Variants in FOCAD observed in about 807,000 individuals in gnomAD.
FOCAD encodes the protein KIAA1797.
Under a neutral mutation model 225.6 loss-of-function variants are expected in FOCAD, and 198 were observed. The observed-to-expected ratio is 0.88, with a 90% confidence interval of 0.78 to 0.99. The LOEUF (loss-of-function observed/expected upper bound fraction) is 0.99, where lower values mean the gene tolerates loss of function less well. Among genes scored for constraint, FOCAD ranks in the 50% least tolerant of loss-of-function variants. The pLI is 0.00. For synonymous variants in FOCAD, 897 were observed against 755.0 expected (o/e 1.19, Z -3.08); for missense variants, 2,713 against 2,123.6 (o/e 1.28, Z -5.46).
At chr9:20,929,158 A>G in intron 26 of FOCAD, 200 bp from the exon 27 acceptor site, 1 of 529,382 alleles carries the variant, frequency 1.9e-6, no homozygotes, top group Non-Finnish European at 3.3e-6. Context: ...ATTATTAATT[A>G]TTTAGTAGCA....
chr9:20,942,406 C>A (rs528242780), intron 28 of FOCAD, among the ~76,000 whole-genome samples: 3 of 152,136 alleles, frequency 2.0e-5, no homozygotes, highest in African/African-American at 7.2e-5. Flanking sequence ...GAAAGTTAAA[C>A]CCTATTGGAA....
intron 7 of FOCAD, among the ~76,000 whole-genome samples, chr9:20,769,691 G>A (rs1817990994): frequency 6.6e-6 from 1 of 152,178 alleles, no homozygotes; most frequent in African/African-American, 2.4e-5. Context: ...AGTTCATTTG[G>A]AGAATTCAAA....
In FOCAD at chr9:20,821,074, A is replaced by G. The variant is rs775946513; in HGVS notation, c.1793+3A>G. 5 of 1,611,530 alleles carry G rather than the reference A, an allele frequency of 3.1e-6. No homozygotes were observed. The South Asian group carries it at 4.4e-5, about 14-fold the overall frequency. On this transcript the variant is annotated splice_donor_region_variant and intron_variant, in intron 14 of 43. Transcript: ENST00000338382. ...ATCAGAGATATATGTAAGCAGAGGT[A>G]TGATGTCATTAACTCTTAGGAATGT...
At chr9:20,720,656 G>A in intron 4 of FOCAD, 122 bp downstream of exon 4, 3 of 894,778 alleles carry the variant, frequency 3.4e-6, no homozygotes, top group Non-Finnish European at 5.1e-6. Context: ...CTCTTAAAAT[G>A]TCATGAGTTG....
intron 5 of FOCAD, among the ~76,000 whole-genome samples, chr9:20,751,848 T>C (rs568096069): frequency 0.025 from 3,633 of 144,536 alleles, 55 homozygotes; most frequent in Middle Eastern, 0.053. Context: ...ATGATTGCCA[T>C]TCTAACTGGT....
chr9:20,979,360 A>C (rs1334979242), intron 37 of FOCAD, among the ~76,000 whole-genome samples: 1 of 152,048 alleles, frequency 6.6e-6, no homozygotes, highest in Non-Finnish European at 1.5e-5. Context: ...TGTTTTTGAG[A>C]CAGTTTCTCG....
intron 24 of FOCAD, among the ~76,000 whole-genome samples, chr9:20,921,298 A>T (rs1353791988): frequency 6.6e-6 from 1 of 152,236 alleles, no homozygotes; most frequent in Non-Finnish European, 1.5e-5. Flanking sequence ...TTAGGTTAAT[A>T]ACATCATTTT....
intron 18 of FOCAD, among the ~76,000 whole-genome samples, chr9:20,870,668 A>C (rs1205352599): frequency 6.6e-6 from 1 of 152,218 alleles, no homozygotes; most frequent in Non-Finnish European, 1.5e-5. Context: ...CTGAATCACA[A>C]GGGTAAACAA....
chr9:20,966,852 G>A (rs1004524375), intron 35 of FOCAD, among the ~76,000 whole-genome samples: 2 of 151,998 alleles, frequency 1.3e-5, no homozygotes, highest in African/African-American at 4.8e-5. Context: ...CTACTCTCAA[G>A]AGTCCAGAAA....
chr9:20,874,786 A>T lies in FOCAD; in HGVS notation c.2296A>T (p.Thr766Ser), dbSNP rs1830093295. The change falls in exon 19 of 44, where the codon ACT (threonine) becomes TCT (serine). Residue 766 changes from threonine (T) to serine (S), a missense_variant. Physicochemically the swap from Thr to Ser is moderately conservative, Grantham distance 58. Coordinates refer to ENST00000338382, the MANE Select transcript of FOCAD (RefSeq NM_001375567.1). Reference sequence around the variant, plus strand: ...TTGCTATCTCAAACTGTTGTCACTCACTCCCCCTTTGGTTTTACCAGGTGA... The same window carrying T: ...TTGCTATCTCAAACTGTTGTCACTCTCTCCCCCTTTGGTTTTACCAGGTGA... Reference protein sequence around the residue: ...GSCYLKLLSLTPPLVLPALEE... With the variant: ...GSCYLKLLSLSPPLVLPALEE... The T allele has an allele frequency of 1.9e-6, 3 of 1,612,952 alleles. No homozygotes were observed. Among genetic ancestry groups the T allele is most frequent in the Non-Finnish European group, 2.5e-6 (3 of 1,179,590 alleles).
intron 1 of FOCAD, among the ~76,000 whole-genome samples, chr9:20,694,821 C>G (rs1202911078): frequency 1.3e-5 from 2 of 152,126 alleles, no homozygotes; most frequent in Non-Finnish European, 2.9e-5. Context: ...ATTAACAACC[C>G]TAACAAAATT....
At chr9:20,874,944 T>C in intron 19 of FOCAD, 137 bp downstream of exon 19, 1 of 1,103,648 alleles carries the variant, frequency 9.1e-7, no homozygotes, top group Non-Finnish European at 1.3e-6. Flanking sequence ...AATGCACCCA[T>C]CTGTTCTATT....
chr9:20,765,373 A>G (rs1829966873), intron 7 of FOCAD, among the ~76,000 whole-genome samples: 1 of 152,084 alleles, frequency 6.6e-6, no homozygotes, highest in Admixed American at 6.6e-5. Flanking sequence ...AAAGATTTTG[A>G]GTTGAGTTTC....
chr9:20,694,738 C>G (rs895934117), intron 1 of FOCAD, among the ~76,000 whole-genome samples: 3 of 152,106 alleles, frequency 2.0e-5, no homozygotes, highest in Non-Finnish European at 2.9e-5. Flanking sequence ...GTTTTTCTCT[C>G]TAACATTTTT....
At chr9:20,886,559 T>C (rs1367922941) in intron 21 of FOCAD, among the ~76,000 whole-genome samples, 2 of 152,184 alleles carry the variant, frequency 1.3e-5, no homozygotes, top group African/African-American at 4.8e-5. Flanking sequence ...CATCAGAAGT[T>C]ATGAGGTGTG....
At chr9:20,680,788 G>C (rs1023727492), upstream of FOCAD, among the ~76,000 whole-genome samples, 11 of 152,146 alleles carry the variant, frequency 7.2e-5, no homozygotes, top group Non-Finnish European at 1.3e-4. Context: ...ACAGCATAGT[G>C]AGACTTCATT....
At chr9:20,937,645 A>T (rs1009275921) in intron 28 of FOCAD, among the ~76,000 whole-genome samples, 9 of 152,204 alleles carry the variant, frequency 5.9e-5, no homozygotes, top group Admixed American at 1.3e-4. Context: ...AACCTAGACA[A>T]TACCATTCAG....
rs548270024 is a variant in FOCAD at position 20,927,385 on chromosome 9, T to G, written c.3078+968T>G. ...GTTGACACTTACTTCATCATTCTTA[T>G]TTTTCTTATCTGCAAAATGAAAGTA... is the stretch of plus-strand genomic sequence containing the variant. On this transcript the variant is annotated intron_variant, in intron 26 of 43. Transcript: ENST00000338382. 1.5e-4 allele frequency among the ~76,000 whole-genome samples: 23 copies of G among 152,288 alleles called. 1 individual carries two copies. The South Asian group carries it at 4.1e-3, about 27-fold the overall frequency.
At chr9:20,922,826 C>T (rs1183996364) in intron 24 of FOCAD, among the ~76,000 whole-genome samples, 1 of 152,182 alleles carries the variant, frequency 6.6e-6, no homozygotes, top group African/African-American at 2.4e-5. Context: ...ATTGGCAAAC[C>T]TAGAGCATCT....
Sources: allele counts gnomAD v4.1 joint callset (sites outside exome capture counted in the v4.1 genomes callset), GRCh38; gene constraint gnomAD v4.1.1; transcripts MANE v1.5; gene names NCBI Gene and HGNC (gene_info 2026-07-23, HGNC 2026-07-21).